The following KLHL1 variants were observed in gnomAD, a reference collection of about 807,000 sequenced individuals.
KLHL1 encodes kelch like family member 1, also known as kelch-like protein 1.
KLHL1 carries 47 observed loss-of-function variants against 77.7 expected under a neutral mutation model. That is an observed-to-expected ratio of 0.60 (90% CI 0.48 to 0.77). The LOEUF (loss-of-function observed/expected upper bound fraction) is 0.77, where lower values mean the gene tolerates loss of function less well. Ranked by LOEUF, KLHL1 falls within the 30% of genes least tolerant of loss-of-function variation. The pLI is 0.00. For synonymous variants in KLHL1, 360 were observed against 325.2 expected, an observed-to-expected ratio of 1.11 and a Z score of -1.15; for missense variants, 925 against 910.8, an observed-to-expected ratio of 1.02 and a Z score of -0.20.
intron 1 of KLHL1, among the ~76,000 whole-genome samples, chr13:70,091,100 A>G (rs932193492): frequency 2.6e-5 from 4 of 151,688 alleles, no homozygotes; most frequent in Non-Finnish European, 1.5e-5. Flanking sequence ...ATCTTCTTTG[A>G]TCCTGAATAG....
At chr13:70,041,386 T>C (rs559804432) in intron 1 of KLHL1, among the ~76,000 whole-genome samples, 187 of 152,310 alleles carry the variant, frequency 1.2e-3, no homozygotes, top group African/African-American at 4.3e-3. Flanking sequence ...CATAAGACAT[T>C]GCTTTTTGGG....
At chr13:70,043,204 A>C (rs549729914) in intron 1 of KLHL1, among the ~76,000 whole-genome samples, 95 of 152,078 alleles carry the variant, frequency 6.2e-4, no homozygotes, top group Non-Finnish European at 1.1e-3. Context: ...GCAACCAGCC[A>C]TGTGTCTTAT....
chr13:69,878,692 G>A (rs1179638999), intron 5 of KLHL1, among the ~76,000 whole-genome samples: 1 of 151,120 alleles, frequency 6.6e-6, no homozygotes, highest in Non-Finnish European at 1.5e-5. Context: ...ATATATGTGT[G>A]TATGCATATA....
intron 7 of KLHL1, among the ~76,000 whole-genome samples, chr13:69,744,768 T>C (rs1874137419): frequency 6.6e-6 from 1 of 151,920 alleles, no homozygotes; most frequent in South Asian, 2.1e-4. Flanking sequence ...TATTTAAAGT[T>C]GTTATCTGTG....
chr13:69,940,169 T>C lies in KLHL1; in HGVS notation c.885A>G (p.Pro295=). Reference sequence around the variant, plus strand: ...AGTGGCAGCACACTTCCACCACCTGTGGAAGCTGAAGAAGGCACGCTGCAG... The same window carrying C: ...AGTGGCAGCACACTTCCACCACCTGCGGAAGCTGAAGAAGGCACGCTGCAG... ...LLAAACLLQL[P]QVVEVCCHFL... The change falls in exon 4 of 11, where the codon CCA becomes CCG. Residue 295 remains proline, a synonymous_variant. Coordinates refer to ENST00000377844, the MANE Select transcript of KLHL1 (RefSeq NM_020866.3). The C allele has an allele frequency of 1.2e-6, 2 of 1,612,818 alleles. No individual in the cohort carries two copies. Among genetic ancestry groups the C allele is most frequent in the South Asian group, 1.1e-5 (1 of 90,972 alleles).
intron 3 of KLHL1, among the ~76,000 whole-genome samples, chr13:69,955,934 TG>T (rs1228384294): frequency 9.9e-6 from 1 of 101,284 alleles, no homozygotes; most frequent in Non-Finnish European, 2.3e-5. Flanking sequence ...TATATATATT[TG>T]ATATATATTT....
intron 4 of KLHL1, among the ~76,000 whole-genome samples, chr13:69,938,591 G>A (rs1883255428): frequency 6.6e-6 from 1 of 152,042 alleles, no homozygotes; most frequent in South Asian, 2.1e-4. Context: ...CTTTGGCTTA[G>A]TTAAGCCAGG....
At chr13:69,929,516 C>G (rs1443423810) in intron 4 of KLHL1, among the ~76,000 whole-genome samples, 2 of 151,692 alleles carry the variant, frequency 1.3e-5, no homozygotes, top group East Asian at 3.9e-4. Flanking sequence ...CTAGTTTAGT[C>G]TATGTGTACC....
chr13:69,719,535 T>A lies in KLHL1; in HGVS notation c.1849A>T (p.Met617Leu), dbSNP rs767957839. The change falls in exon 9 of 11, where the codon ATG (methionine) becomes TTG (leucine). Residue 617 changes from methionine to leucine, a missense_variant. Transcript: ENST00000377844. ...TTTGTATGAGGATCATAATATTCCA[T>A]TGAACTCAAACAGGAACTTCCATCA... ...GRDGSSCLSSMEYYDPHTNKW... is the reference protein window; with the variant it reads ...GRDGSSCLSSLEYYDPHTNKW... The A allele has an allele frequency of 1.9e-6, 3 of 1,613,298 alleles. No homozygotes were observed. The highest frequency in any genetic ancestry group is 1.7e-5 in the Admixed American group (1 of 59,844).
intron 1 of KLHL1, among the ~76,000 whole-genome samples, chr13:70,036,726 G>T (rs1247335040): frequency 6.7e-6 from 1 of 150,016 alleles, no homozygotes; most frequent in Non-Finnish European, 1.5e-5. Flanking sequence ...GTTTAAATTT[G>T]TGTTCATTTC....
chr13:69,902,080 G>A (rs757290834), intron 4 of KLHL1, among the ~76,000 whole-genome samples: 4 of 152,110 alleles, frequency 2.6e-5, no homozygotes, highest in Non-Finnish European at 5.9e-5. Flanking sequence ...GATTACAGGC[G>A]TGAGCCACCA....
At chr13:69,866,855 CAT>C (rs1266144795) in intron 5 of KLHL1, among the ~76,000 whole-genome samples, 2 of 152,062 alleles carry the variant, frequency 1.3e-5, no homozygotes, top group African/African-American at 4.8e-5. Context: ...CAGAACACCA[CAT>C]GTTTTGTTGT....
intron 1 of KLHL1, among the ~76,000 whole-genome samples, chr13:70,100,988 G>T (rs1887910071): frequency 6.6e-6 from 1 of 152,060 alleles, no homozygotes. Context: ...TATTCTATAA[G>T]TGTTCTTGGT....
chr13:70,039,108 C>G (rs1385607382), intron 1 of KLHL1, among the ~76,000 whole-genome samples: 1 of 144,326 alleles, frequency 6.9e-6, no homozygotes, highest in South Asian at 2.1e-4. Flanking sequence ...ATTTCCCAAG[C>G]TGGAGTACAG....
At chr13:70,002,142 C>T (rs1347430726) in intron 1 of KLHL1, among the ~76,000 whole-genome samples, 1 of 151,582 alleles carries the variant, frequency 6.6e-6, no homozygotes, top group Admixed American at 6.6e-5. Flanking sequence ...GCATTACTCC[C>T]TCTGTACTCC....
At chr13:69,964,324 G>A (rs762950803) in intron 2 of KLHL1, among the ~76,000 whole-genome samples, 2 of 152,152 alleles carry the variant, frequency 1.3e-5, no homozygotes, top group Non-Finnish European at 2.9e-5. Flanking sequence ...TTATGGGCAT[G>A]AGACACTGCA....
At chr13:69,722,754 T>C (rs559755140) in intron 8 of KLHL1, among the ~76,000 whole-genome samples, 6 of 152,144 alleles carry the variant, frequency 3.9e-5, no homozygotes, top group African/African-American at 1.4e-4. Flanking sequence ...AACAGTTTTT[T>C]GAGGGTAGTC....
intron 5 of KLHL1, among the ~76,000 whole-genome samples, chr13:69,871,945 C>T (rs563682524): frequency 6.6e-6 from 1 of 152,160 alleles, no homozygotes; most frequent in East Asian, 1.9e-4. Flanking sequence ...CAATCTTTGC[C>T]CGTTACCCAG....
chr13:70,016,603 A>G (rs1885663855), intron 1 of KLHL1, among the ~76,000 whole-genome samples: 2 of 152,148 alleles, frequency 1.3e-5, no homozygotes, highest in Non-Finnish European at 2.9e-5. Flanking sequence ...CCCCCTCTGA[A>G]TTTTGGGCAC....
Sources: allele counts gnomAD v4.1 joint callset (sites outside exome capture counted in the v4.1 genomes callset), GRCh38; gene constraint gnomAD v4.1.1; transcripts MANE v1.5; gene names NCBI Gene and HGNC (gene_info 2026-07-23, HGNC 2026-07-21).